TBC1D12: variants seen among roughly 807,000 people sequenced by gnomAD.
The protein encoded by TBC1D12 is TBC1 domain family, member 12.
A neutral mutation model predicts 86.7 loss-of-function variants in TBC1D12; 56 were observed. That is an observed-to-expected ratio of 0.65 (90% CI 0.52 to 0.81). TBC1D12 has a LOEUF of 0.81. TBC1D12 is among the 30% of genes least tolerant of loss of function. The pLI, the probability that TBC1D12 is intolerant of heterozygous loss-of-function variation, is 0.00. For synonymous variants in TBC1D12, 421 were observed against 411.7 expected, an observed-to-expected ratio of 1.02 and a Z score of -0.27; for missense variants, 1,023 against 1,038.8, an observed-to-expected ratio of 0.98 and a Z score of 0.21.
intron 3 of TBC1D12, among the ~76,000 whole-genome samples, chr10:94,481,904 C>T (rs1331261814): frequency 2.0e-5 from 3 of 152,034 alleles, no homozygotes; most frequent in Non-Finnish European, 4.4e-5. Flanking sequence ...ATCACATCAT[C>T]GTAAATGAGG....
At chr10:94,414,492 T>C (rs1167420224) in intron 1 of TBC1D12, among the ~76,000 whole-genome samples, 7 of 152,238 alleles carry the variant, frequency 4.6e-5, no homozygotes, top group Admixed American at 4.6e-4. Flanking sequence ...TCAGTGCCTT[T>C]GTGGATGTTT....
chr10:94,488,361 G>C (rs930333309), intron 3 of TBC1D12, among the ~76,000 whole-genome samples: 3 of 129,530 alleles, frequency 2.3e-5, no homozygotes, highest in African/African-American at 8.6e-5. Context: ...GGGTATTGCT[G>C]TTTGTTATTC....
At chr10:94,495,891 C>G (rs910973968) in intron 4 of TBC1D12, among the ~76,000 whole-genome samples, 1 of 152,124 alleles carries the variant, frequency 6.6e-6, no homozygotes, top group African/African-American at 2.4e-5. Context: ...ATCGTGAGGT[C>G]AGGTGTTTGA....
At chr10:94,421,882 T>G (rs2055078875) in intron 1 of TBC1D12, among the ~76,000 whole-genome samples, 2 of 152,236 alleles carry the variant, frequency 1.3e-5, no homozygotes, top group Non-Finnish European at 1.5e-5. Context: ...GCTGTGTGTG[T>G]TTTTGTTGTT....
intron 11 of TBC1D12, among the ~76,000 whole-genome samples, chr10:94,524,848 A>G (rs1842246595): frequency 6.8e-6 from 1 of 147,616 alleles, no homozygotes; most frequent in African/African-American, 2.5e-5. Context: ...TTATTTTTTG[A>G]GACAGTCTAG....
chr10:94,477,430 A>G (rs1229596287), intron 3 of TBC1D12, among the ~76,000 whole-genome samples: 1 of 152,236 alleles, frequency 6.6e-6, no homozygotes, highest in Non-Finnish European at 1.5e-5. Flanking sequence ...ATAATGGAGA[A>G]CAGAAGAGAA....
intron 7 of TBC1D12, chr10:94,509,826 C>T: frequency 5.8e-6 from 2 of 344,984 alleles, no homozygotes; most frequent in Non-Finnish European, 1.0e-5. Flanking sequence ...TAGTTGTTAC[C>T]ATGGAAATGA....
At chr10:94,429,045 C>CT (rs200788629) in intron 1 of TBC1D12, among the ~76,000 whole-genome samples, 137 of 145,416 alleles carry the variant, frequency 9.4e-4, no homozygotes, top group East Asian at 7.6e-3. Flanking sequence ...CCTGGATAGT[C>CT]TTTTTTTTTT....
chr10:94,478,577 G>A (rs761101027), intron 3 of TBC1D12, among the ~76,000 whole-genome samples: 1 of 152,120 alleles, frequency 6.6e-6, no homozygotes. Context: ...CCATGGTGGT[G>A]TGCACCTGTA....
At chr10:94,493,232 C>T in intron 3 of TBC1D12, 133 bp from the exon 4 acceptor site, 1 of 695,082 alleles carries the variant, frequency 1.4e-6, no homozygotes, top group Non-Finnish European at 2.5e-6. Context: ...TCTTTTCAGC[C>T]TTTCACTTCC....
chr10:94,505,564 C>A (rs896237767), intron 6 of TBC1D12, among the ~76,000 whole-genome samples: 2 of 151,936 alleles, frequency 1.3e-5, no homozygotes, highest in Non-Finnish European at 2.9e-5. Flanking sequence ...CAGAGAAAGA[C>A]CCTGTCTCAA....
intron 1 of TBC1D12, among the ~76,000 whole-genome samples, chr10:94,440,287 G>A (rs2055361205): frequency 6.6e-6 from 1 of 151,828 alleles, no homozygotes; most frequent in Non-Finnish European, 1.5e-5. Context: ...TCCCACCCTA[G>A]CCTCCCAAGT....
intron 4 of TBC1D12, among the ~76,000 whole-genome samples, chr10:94,496,447 T>C (rs375027011): frequency 2.0e-5 from 3 of 152,158 alleles, no homozygotes; most frequent in African/African-American, 7.2e-5. Flanking sequence ...AAAGAGTTAA[T>C]ATACTAATAA....
At position 94,402,586 on chromosome 10, in the gene TBC1D12, T is replaced by A. The variant is rs1358290147; in HGVS notation, c.-28T>A. On this transcript the variant is annotated 5_prime_UTR_variant, in exon 1 of 13. Transcript: ENST00000225235. ...CCTGCGCCTGTAGTCCTTCTTTGCC[T>A]CCTGGGGCGGCCGCCACCCACCCCC... 6 of 1,609,212 alleles carry A rather than the reference T, an allele frequency of 3.7e-6. No individual in the cohort carries two copies. The Admixed American group carries it at 6.7e-5, about 18-fold the overall frequency.
intron 9 of TBC1D12, among the ~76,000 whole-genome samples, chr10:94,521,221 CA>C (rs1294257279): frequency 0.045 from 2,170 of 48,526 alleles, 35 homozygotes; most frequent in African/African-American, 0.11. Flanking sequence ...AAAAAGAAAC[CA>C]AAAAAAAAAA....
intron 2 of TBC1D12, among the ~76,000 whole-genome samples, chr10:94,460,288 A>AC (rs1467565687): frequency 6.6e-6 from 1 of 152,230 alleles, no homozygotes; most frequent in Non-Finnish European, 1.5e-5. Context: ...AATTCTTTTA[A>AC]CATTTTTTGC....
chr10:94,445,327 C>T (rs899764074), intron 2 of TBC1D12, among the ~76,000 whole-genome samples: 3 of 151,870 alleles, frequency 2.0e-5, no homozygotes, highest in African/African-American at 7.2e-5. Flanking sequence ...CCACTGCACT[C>T]CAGCCTGGCA....
chr10:94,465,719 C>CATACATACATACATACGT (rs2055800657), intron 2 of TBC1D12, among the ~76,000 whole-genome samples: 10 of 145,854 alleles, frequency 6.9e-5, no homozygotes, highest in Admixed American at 1.4e-4. Flanking sequence ...TATACGTATA[C>CATACATACATACATACGT]ATACATACAT....
At chr10:94,421,875 G>A (rs1394716215) in intron 1 of TBC1D12, among the ~76,000 whole-genome samples, 1 of 152,198 alleles carries the variant, frequency 6.6e-6, no homozygotes, top group Non-Finnish European at 1.5e-5. Flanking sequence ...TAATTGGGCT[G>A]TGTGTGTTTT....
Sources: allele counts gnomAD v4.1 joint callset (sites outside exome capture counted in the v4.1 genomes callset), GRCh38; gene constraint gnomAD v4.1.1; transcripts MANE v1.5; gene names NCBI Gene and HGNC (gene_info 2026-07-23, HGNC 2026-07-21).